The following COG5 variants were observed in gnomAD, a reference collection of about 807,000 sequenced individuals.
COG5 encodes component of oligomeric golgi complex 5.
A neutral mutation model predicts 110.4 loss-of-function variants in COG5; 86 were observed. That is an observed-to-expected ratio of 0.78 (90% confidence interval 0.65 to 0.93). The LOEUF is 0.93. Among genes scored for constraint, COG5 ranks in the 40% least tolerant of loss-of-function variants. The pLI is 0.00. For missense variants in COG5, 1,077 were observed against 987.0 expected (o/e 1.09, Z -1.22); for synonymous variants, 360 against 334.6 (o/e 1.08, Z -0.83).
At chr7:107,376,002 G>A (rs944714039) in intron 7 of COG5, among the ~76,000 whole-genome samples, 6 of 151,956 alleles carry the variant, frequency 3.9e-5, no homozygotes, top group African/African-American at 1.2e-4. Context: ...TATACAATGT[G>A]AAATAGGAGT....
chr7:107,291,396 C>T (rs1806159658), intron 12 of COG5, among the ~76,000 whole-genome samples: 1 of 152,142 alleles, frequency 6.6e-6, no homozygotes, highest in Non-Finnish European at 1.5e-5. Context: ...ATTTTAGATA[C>T]ATTGTTGCAA....
intron 12 of COG5, 61 bp downstream of exon 12, chr7:107,298,081 A>T (rs986207047): frequency 1.3e-6 from 1 of 763,786 alleles, no homozygotes. Flanking sequence ...AATAAAAGAT[A>T]AAATTTAAAA....
intron 5 of COG5, among the ~76,000 whole-genome samples, chr7:107,535,614 G>A (rs183518672): frequency 1.1e-4 from 17 of 152,136 alleles, no homozygotes; most frequent in African/African-American, 3.9e-4. Flanking sequence ...AAACCAGATA[G>A]AAGTTGAATC....
intron 19 of COG5, among the ~76,000 whole-genome samples, chr7:107,219,155 C>A (rs1799723560): frequency 6.6e-6 from 1 of 152,078 alleles, no homozygotes; most frequent in Non-Finnish European, 1.5e-5. Context: ...TCACCTCATG[C>A]CTGTCAGAAT....
intron 10 of COG5, among the ~76,000 whole-genome samples, chr7:107,336,525 G>C (rs1810714122): frequency 6.6e-6 from 1 of 152,176 alleles, no homozygotes; most frequent in Admixed American, 6.5e-5. Flanking sequence ...ATTTCAAAAT[G>C]GCTGGAAGAG....
chr7:107,331,951 T>C (rs1810288156), intron 10 of COG5, among the ~76,000 whole-genome samples: 1 of 150,610 alleles, frequency 6.6e-6, no homozygotes, highest in Admixed American at 6.7e-5. Context: ...AAATGATAAA[T>C]GATTCCCGTG....
chr7:107,258,473 C>A (rs1250503673), intron 14 of COG5, 90 bp from the exon 15 acceptor site: 2 of 793,028 alleles, frequency 2.5e-6, no homozygotes, highest in Middle Eastern at 4.5e-4. Flanking sequence ...TACACACACA[C>A]ACACACATTC....
chr7:107,346,074 A>T lies in COG5; in HGVS notation c.1026+15959T>A, dbSNP rs147443587. ...TAGTATCGGCAAATTCCTTATGTAA[A>T]CTAATTGATGCTGTATAGAATTTTG... On this transcript the variant is annotated intron_variant, in intron 10 of 21. Coordinates refer to ENST00000297135, the MANE Select transcript of COG5 (RefSeq NM_006348.5). Among the ~76,000 whole-genome samples the T allele has an allele frequency of 5.5e-3, 830 of 152,286 alleles. 9 individuals carry two copies. The highest frequency in any genetic ancestry group is 0.019 in the African/African-American group (808 of 41,542).
At chr7:107,429,904 C>T (rs1793900104) in intron 6 of COG5, among the ~76,000 whole-genome samples, 1 of 152,176 alleles carries the variant, frequency 6.6e-6, no homozygotes, top group Non-Finnish European at 1.5e-5. Context: ...TTGTAAATTG[C>T]TCACTCTTGG....
At chr7:107,531,045 CTTT>C (rs11312323) in intron 5 of COG5, among the ~76,000 whole-genome samples, 7 of 148,806 alleles carry the variant, frequency 4.7e-5, no homozygotes, top group Non-Finnish European at 7.5e-5. Context: ...CACTTCCTTA[CTTT>C]TTTTTTTTAT....
At chr7:107,308,172 C>A (rs74470643) in intron 11 of COG5, among the ~76,000 whole-genome samples, 2,853 of 152,218 alleles carry the variant, frequency 0.019, 88 homozygotes, top group African/African-American at 0.063. Context: ...CTAGATTTTG[C>A]AGATTCCATC....
chr7:107,245,370 C>A (rs550406073), intron 17 of COG5, among the ~76,000 whole-genome samples: 1 of 152,208 alleles, frequency 6.6e-6, no homozygotes, highest in African/African-American at 2.4e-5. Flanking sequence ...CCAGAGCAAC[C>A]AGGCAAGAGG....
intron 6 of COG5, among the ~76,000 whole-genome samples, chr7:107,507,695 A>G (rs1799132440): frequency 6.6e-6 from 1 of 152,012 alleles, no homozygotes; most frequent in Non-Finnish European, 1.5e-5. Context: ...ATGGGTCCCT[A>G]TTGTATGGCA....
intron 19 of COG5, among the ~76,000 whole-genome samples, chr7:107,213,447 G>T (rs916643783): frequency 6.6e-6 from 1 of 152,178 alleles, no homozygotes; most frequent in Non-Finnish European, 1.5e-5. Context: ...GTCTAGAACA[G>T]TGATCCATCT....
rs190778129 is a variant in COG5, at chr7:107,239,140, T to A, written c.1854-2453A>T. On this transcript the variant is annotated intron_variant, in intron 17 of 21. Transcript: ENST00000297135. ...TCTATTTTCATTTGATTTTCACATA[T>A]GGTATGAGATAAGGGTCCAATTTCA... 2.8e-3 allele frequency among the ~76,000 whole-genome samples: 434 copies of A among 152,352 alleles called. 3 individuals are homozygous for A. Among genetic ancestry groups the A allele is most frequent in the African/African-American group, 1.0e-2 (415 of 41,584 alleles).
chr7:107,355,574 T>C (rs889970297), intron 10 of COG5, among the ~76,000 whole-genome samples: 3 of 152,192 alleles, frequency 2.0e-5, no homozygotes, highest in African/African-American at 7.2e-5. Context: ...AGCTAGGCAA[T>C]GGAATATTGT....
chr7:107,379,628 A>G (rs530511775), intron 7 of COG5, among the ~76,000 whole-genome samples: 1 of 152,032 alleles, frequency 6.6e-6, no homozygotes, highest in South Asian at 2.1e-4. Flanking sequence ...GGGGGTTGCA[A>G]TCCTAGTTTT....
chr7:107,384,755 G>A (rs561932360), intron 7 of COG5, among the ~76,000 whole-genome samples: 5 of 152,218 alleles, frequency 3.3e-5, no homozygotes, highest in Admixed American at 6.5e-5. Flanking sequence ...GCAAGAAGGC[G>A]GCTGTCTGTA....
chr7:107,465,222 T>C (rs1796227610), intron 6 of COG5, among the ~76,000 whole-genome samples: 1 of 152,096 alleles, frequency 6.6e-6, no homozygotes, highest in Admixed American at 6.6e-5. Flanking sequence ...GAAAATACCA[T>C]GGAATTCACA....
Sources: gnomAD v4.1 joint callset for allele counts (sites outside exome capture counted in the v4.1 genomes callset) on GRCh38, gnomAD v4.1.1 for gene constraint, MANE v1.5 for transcripts, NCBI Gene and HGNC (gene_info 2026-07-23, HGNC 2026-07-21) for gene names.